Variants in INPP1 observed in about 807,000 individuals in gnomAD.
The protein encoded by INPP1 is inositol polyphosphate-1-phosphatase, also known as inositol polyphosphate 1-phosphatase.
In INPP1, 18 loss-of-function variants were observed where a neutral mutation model predicts 23.0. That is an observed-to-expected ratio of 0.78 (90% confidence interval 0.54 to 1.16). The LOEUF is 1.16. INPP1 is among the 50% of genes most tolerant of loss of function. The pLI is 0.00. For missense variants in INPP1, 448 were observed against 482.1 expected (o/e 0.93, Z 0.66); for synonymous variants, 164 against 176.3 (o/e 0.93, Z 0.55).
rs551983700 is a variant in INPP1, at chr2:190,346,786, G to GTAGA, written c.-208-2101_-208-2098dup. ...ACCATCCCAGCTAATTTTTAAAATTGTAGAGATGGGGTCCCACTATGTTGC... is the reference window on the plus strand; with the variant it reads ...ACCATCCCAGCTAATTTTTAAAATTGTAGATAGAGATGGGGTCCCACTATGTTGC... On this transcript the variant is annotated intron_variant, in intron 1 of 6. Transcript: ENST00000392329. This position sits in a 1 kb window ranked among gnomAD's most constrained non-coding sequence, Gnocchi z 5.1. Among the ~76,000 whole-genome samples the GTAGA allele has an allele frequency of 1.3e-3, 193 of 151,620 alleles. No individual in the cohort carries two copies. Among genetic ancestry groups the GTAGA allele is most frequent in the African/African-American group, 4.0e-3 (167 of 41,338 alleles).
At chr2:190,359,489 G>A (rs1689490278) in intron 2 of INPP1, among the ~76,000 whole-genome samples, 1 of 151,450 alleles carries the variant, frequency 6.6e-6, no homozygotes, top group Non-Finnish European at 1.5e-5. Flanking sequence ...CCCGGGAGGT[G>A]GAGCTTGCAG....
Position 190,366,180 on chromosome 2 carries a change from G to GCTCTCT in INPP1, c.266-514_266-509dup, listed in dbSNP as rs59909447. 1.1e-4 allele frequency among the ~76,000 whole-genome samples: 15 copies of GCTCTCT among 139,106 alleles called. No individual in the cohort carries two copies. The East Asian group carries it at 1.3e-3, about 12-fold the overall frequency. 91.3% of individuals were successfully genotyped at this position (139,106 alleles called of 152,430 possible). A position where few individuals can be genotyped will look rare whatever the true frequency, so the allele number is the denominator to read the frequency against. On this transcript the variant is annotated intron_variant, in intron 4 of 6. Coordinates refer to ENST00000392329, the MANE Select transcript of INPP1 (RefSeq NM_001128928.2). ...CTGTCTCTCTCGCTCTTTGTCTCTT[G>GCTCTCT]CTCTCTGTCTCTTGCTCTGTCTCGC...
At chr2:190,365,846 G>A (rs529892964) in intron 4 of INPP1, among the ~76,000 whole-genome samples, 17 of 109,112 alleles carry the variant, frequency 1.6e-4, no homozygotes, top group Non-Finnish European at 2.7e-4. Context: ...TCATTCTCTC[G>A]CTGTCTCTCT....
Position 190,346,216 on chromosome 2 carries a change from A to G in INPP1, c.-209+2255A>G, listed in dbSNP as rs1297796392. 6.6e-6 allele frequency among the ~76,000 whole-genome samples: 1 copy of G among 152,216 alleles called. No homozygotes were observed. Among genetic ancestry groups the G allele is most frequent in the East Asian group, 1.9e-4 (1 of 5,206 alleles). On this transcript the variant is annotated intron_variant, in intron 1 of 6. Coordinates refer to ENST00000392329, the MANE Select transcript of INPP1 (RefSeq NM_001128928.2). The surrounding 1 kb of genome is among the most constrained non-coding windows in gnomAD (Gnocchi z 5.1). ...TTCTAAGAGAAAGGAGATATTTCAA[A>G]TAGACAAAAATGATAAAATTTTAAA...
chr2:190,353,355 C>G (rs565015302), intron 2 of INPP1, among the ~76,000 whole-genome samples: 1 of 152,264 alleles, frequency 6.6e-6, no homozygotes, highest in Non-Finnish European at 1.5e-5. Context: ...GCAATCAGAT[C>G]TGGCCGACAA....
At chr2:190,365,034 TG>T (rs2124938310) in intron 4 of INPP1, 1 of 167,214 alleles carries the variant, frequency 6.0e-6, no homozygotes, top group South Asian at 2.0e-4. Flanking sequence ...CAAAGTGCCA[TG>T]TTTTCTTAGT....
Position 190,345,230 on chromosome 2 carries a change from G to T in INPP1, c.-209+1269G>T, listed in dbSNP as rs1689191758. 1.3e-5 allele frequency among the ~76,000 whole-genome samples: 2 copies of T among 152,162 alleles called. No homozygotes were observed. Among genetic ancestry groups the T allele is most frequent in the Non-Finnish European group, 2.9e-5 (2 of 68,036 alleles). ...AGAGTTACACTGTACTTTTTGTGTA[G>T]AATAAGCTACCACTTTTCAAGCTTT... On this transcript the variant is annotated intron_variant, in intron 1 of 6. Transcript: ENST00000392329. This position sits in a 1 kb window ranked among gnomAD's most constrained non-coding sequence, Gnocchi z 4.9.
intron 1 of INPP1, among the ~76,000 whole-genome samples, chr2:190,347,774 C>G (rs1032075735): frequency 6.6e-6 from 1 of 152,178 alleles, no homozygotes; most frequent in African/African-American, 2.4e-5. Flanking sequence ...GAAAATTGTT[C>G]TTTTAACATT....
In INPP1 at chr2:190,354,505, C is replaced by T. The variant is rs1016151410; in HGVS notation, c.-65+5474C>T. On this transcript the variant is annotated intron_variant, in intron 2 of 6. Transcript: ENST00000392329. This position sits in a 1 kb window ranked among gnomAD's most constrained non-coding sequence, Gnocchi z 4.8. ...GATCCTTATCCAGTCTGACTGGCGT[C>T]CTTGTAAGAAAAGGGAGACATGCCA... Among the ~76,000 whole-genome samples, 3 of 152,162 alleles carry T rather than the reference C, an allele frequency of 2.0e-5. No individual in the cohort carries two copies. The highest frequency in any genetic ancestry group is 4.4e-5 in the Non-Finnish European group (3 of 68,034).
In INPP1 at chr2:190,370,862, T is replaced by G; in HGVS notation, c.660T>G (p.Tyr220Ter). 6.2e-7 allele frequency: 1 copy of G among 1,612,174 alleles called. No individual in the cohort carries two copies. Among genetic ancestry groups the G allele is most frequent in the Non-Finnish European group, 8.5e-7 (1 of 1,178,670 alleles). Residue 220 changes from tyrosine to a stop codon, truncating the protein, a stop_gained, in exon 7 of 7, where the codon TAT becomes TAG. Transcript: ENST00000392329. LOFTEE classifies it low-confidence loss of function (END_TRUNC). ...TCTACAGGTGGAAAGGACAGTGCTATTGGGGCCTTTCTTACATGGGGACCA... is the reference window on the plus strand; with the variant it reads ...TCTACAGGTGGAAAGGACAGTGCTAGTGGGGCCTTTCTTACATGGGGACCA... ...PNTLRWKGQCYWGLSYMGTNM... is the reference protein window; with the variant it reads ...PNTLRWKGQC
intron 3 of INPP1, among the ~76,000 whole-genome samples, chr2:190,361,665 G>A (rs1374207989): frequency 6.6e-6 from 1 of 152,150 alleles, no homozygotes; most frequent in Non-Finnish European, 1.5e-5. Context: ...TTCCATTTTA[G>A]CTGTATAAAA....
chr2:190,360,391 C>T lies in INPP1; in HGVS notation c.204+85C>T, dbSNP rs1265158467. ...ATAGAATAGCATGCCTTTTGCTCCT[C>T]ACCCCTATCAGTATACTAGCACCTT... On this transcript the variant is annotated intron_variant, in intron 3 of 6. Coordinates refer to ENST00000392329, the MANE Select transcript of INPP1 (RefSeq NM_001128928.2). 101 of 1,134,252 alleles carry T rather than the reference C, an allele frequency of 8.9e-5. No homozygotes were observed. In the East Asian group the frequency reaches 1.0e-3, roughly 12 times the overall value. The allele number at this position is 1,134,252 out of a possible 1,614,324, so 70.3% of individuals were successfully genotyped here.
Position 190,371,617 on chromosome 2 carries a change from T to C in INPP1, c.*215T>C. On this transcript the variant is annotated 3_prime_UTR_variant, in exon 7 of 7. Transcript: ENST00000392329. This position sits in a 1 kb window ranked among gnomAD's most constrained non-coding sequence, Gnocchi z 5.3. The stretch of plus-strand genomic sequence containing the variant: ...GTGTATGAAATTCTTACAGTGAATA[T>C]TGTGCTGTTAGTGCTGCTTGAAACA... 2.3e-6 allele frequency: 1 copy of C among 434,814 alleles called. No homozygotes were observed. 26.9% of individuals were successfully genotyped at this position (434,814 alleles called of 1,614,324 possible).
chr2:190,347,081 G>A (rs916009042), intron 1 of INPP1, among the ~76,000 whole-genome samples: 3 of 133,920 alleles, frequency 2.2e-5, no homozygotes, highest in Middle Eastern at 4.8e-3. Context: ...GTGTGATCTC[G>A]GCTCACAGCA....
intron 3 of INPP1, among the ~76,000 whole-genome samples, chr2:190,360,991 G>A (rs1015377091): frequency 1.3e-5 from 2 of 152,156 alleles, no homozygotes; most frequent in Non-Finnish European, 2.9e-5. Context: ...TAGAGAAACC[G>A]TATTAATAAG....
rs1211640886 is a variant in INPP1, at chr2:190,354,011, G to A, written c.-65+4980G>A. Among the ~76,000 whole-genome samples, 2 of 152,152 alleles carry A rather than the reference G, an allele frequency of 1.3e-5. 1 individual carries two copies. The highest frequency in any genetic ancestry group is 3.8e-4 in the East Asian group (2 of 5,198). On this transcript the variant is annotated intron_variant, in intron 2 of 6. Coordinates refer to ENST00000392329, the MANE Select transcript of INPP1 (RefSeq NM_001128928.2). This position sits in a 1 kb window ranked among gnomAD's most constrained non-coding sequence, Gnocchi z 4.8. ...AGAGACCCTAATTCTATCTGACATT[G>A]TGACACAATTTTATGTTAAACATAT...
intron 3 of INPP1, 90 bp downstream of exon 3, chr2:190,360,396 CT>C (rs1689513284): frequency 1.0e-5 from 11 of 1,052,384 alleles, no homozygotes; most frequent in East Asian, 2.6e-5. Flanking sequence ...CTCCTCACCC[CT>C]ATCAGTATAC....
At chr2:190,358,068 G>A (rs1391855939) in intron 2 of INPP1, among the ~76,000 whole-genome samples, 2 of 143,198 alleles carry the variant, frequency 1.4e-5, no homozygotes, top group East Asian at 2.1e-4. Flanking sequence ...AGTCCATTAA[G>A]GGAATTTTTT....
chr2:190,348,172 G>A lies in INPP1; in HGVS notation c.-208-716G>A, dbSNP rs370301816. On this transcript the variant is annotated intron_variant, in intron 1 of 6. Transcript: ENST00000392329. Reference sequence around the variant, plus strand: ...ACAAAACAAAACAAAACAAAACACCGGTGTGGTTGCTGTATGAAATCAACT... The same window carrying A: ...ACAAAACAAAACAAAACAAAACACCAGTGTGGTTGCTGTATGAAATCAACT... Among the ~76,000 whole-genome samples the A allele has an allele frequency of 2.8e-4, 43 of 151,770 alleles. No individual in the cohort carries two copies. In the East Asian group the frequency reaches 3.5e-3, roughly 12 times the overall value.
Sources: allele counts gnomAD v4.1 joint callset (sites outside exome capture counted in the v4.1 genomes callset), GRCh38; gene constraint gnomAD v4.1.1; non-coding constraint Gnocchi (gnomAD v3.1); transcripts MANE v1.5; gene names NCBI Gene and HGNC (gene_info 2026-07-23, HGNC 2026-07-21).